Variants in GALC observed in about 807,000 individuals in gnomAD.
The protein encoded by GALC is galactosylceramidase, also known as galactocerebrosidase.
In GALC, 77 loss-of-function variants were observed where a neutral mutation model predicts 91.8. That is an observed-to-expected ratio of 0.84 (90% CI 0.70 to 1.01). GALC has a LOEUF of 1.01. Among genes scored for constraint, GALC ranks in the 50% least tolerant of loss-of-function variants. The pLI is 0.00. For synonymous variants in GALC, 357 were observed against 306.7 expected (o/e 1.16, Z -1.71); for missense variants, 882 against 855.9 (o/e 1.03, Z -0.38).
In GALC at chr14:87,971,811, A is replaced by G. The variant is rs1886303630; in HGVS notation, c.753-3321T>C. Among the ~76,000 whole-genome samples the G allele has an allele frequency of 2.0e-5, 3 of 152,286 alleles. No homozygotes were observed. The South Asian group carries it at 6.2e-4, about 32-fold the overall frequency. ...GTATTGAACAATACAGGTTTAAGCA[A>G]TAACAATTTCAGGAGAAGGTAGCAA... On this transcript the variant is annotated intron_variant, in intron 7 of 16. Transcript: ENST00000261304.
rs443019 is a variant in GALC at position 87,950,900 on chromosome 14, C to T, written c.1162-152G>A. 580,477 of 588,968 alleles carry T rather than the reference C, an allele frequency of 0.99. 286,542 individuals carry two copies. Among genetic ancestry groups the T allele is most frequent in the East Asian group, 1 (33,492 of 33,492 alleles). 36.5% of individuals were successfully genotyped at this position (588,968 alleles called of 1,614,324 possible). On this transcript the variant is annotated intron_variant, in intron 10 of 16. Coordinates refer to ENST00000261304, the MANE Select transcript of GALC (RefSeq NM_000153.4). The stretch of plus-strand genomic sequence containing the variant: ...TTTCACATTTTTAAAGACTTTTTTA[C>T]AATATAATATTTACTGAATGTGTAT...
At chr14:87,949,036 A>G (rs1885195940) in intron 12 of GALC, among the ~76,000 whole-genome samples, 1 of 152,036 alleles carries the variant, frequency 6.6e-6, no homozygotes, top group Non-Finnish European at 1.5e-5. Context: ...CAAGGTGTCC[A>G]GTGGTGCAGG....
chr14:87,986,895 A>C (rs1886999429), intron 3 of GALC: 1 of 433,276 alleles, frequency 2.3e-6, no homozygotes, highest in East Asian at 5.5e-5. Context: ...AAAAATTCCC[A>C]GTATTCATGC....
intron 3 of GALC, chr14:87,987,841 T>C (rs1287292641): frequency 1.2e-5 from 3 of 244,490 alleles, no homozygotes; most frequent in East Asian, 7.8e-5. Flanking sequence ...CTCAATAAAA[T>C]TCAAAACTGT....
intron 7 of GALC, among the ~76,000 whole-genome samples, chr14:87,971,595 T>G (rs963825604): frequency 1.3e-5 from 2 of 152,192 alleles, no homozygotes; most frequent in Non-Finnish European, 2.9e-5. Context: ...GAGAACATAA[T>G]TTTAATGATA....
intron 7 of GALC, among the ~76,000 whole-genome samples, chr14:87,969,914 C>T (rs1010554664): frequency 1.3e-5 from 2 of 152,058 alleles, no homozygotes; most frequent in Non-Finnish European, 2.9e-5. Context: ...TGAGGTTCCA[C>T]TAAGATTTTA....
chr14:87,973,597 G>A lies in GALC; in HGVS notation c.752+2761C>T, dbSNP rs115541704. ...ATAATTCTGGTAATTAAAATTCCACGGTAGGGGAGAAAAAGGGAGGAAGAA... is the reference window on the plus strand; with the variant it reads ...ATAATTCTGGTAATTAAAATTCCACAGTAGGGGAGAAAAAGGGAGGAAGAA... On this transcript the variant is annotated intron_variant, in intron 7 of 16. Coordinates refer to ENST00000261304, the MANE Select transcript of GALC (RefSeq NM_000153.4). 3.8e-3 allele frequency among the ~76,000 whole-genome samples: 582 copies of A among 152,158 alleles called. 3 individuals are homozygous for A. The highest frequency in any genetic ancestry group is 0.013 in the African/African-American group (540 of 41,520).
intron 5 of GALC, among the ~76,000 whole-genome samples, chr14:87,983,354 T>C (rs916339677): frequency 6.6e-6 from 1 of 152,086 alleles, no homozygotes; most frequent in Non-Finnish European, 1.5e-5. Flanking sequence ...ATAAACTAAT[T>C]TTTCAGTCAT....
chr14:87,941,761 T>C (rs1246180232), intron 14 of GALC, among the ~76,000 whole-genome samples: 2 of 152,030 alleles, frequency 1.3e-5, no homozygotes, highest in African/African-American at 4.8e-5. Context: ...AGTCATTTCA[T>C]TGCCTCTTTA....
intron 15 of GALC, 80 bp downstream of exon 15, chr14:87,941,315 C>T (rs553493589): frequency 4.4e-6 from 4 of 916,924 alleles, no homozygotes; most frequent in South Asian, 2.9e-5. Flanking sequence ...CTTTTTATCA[C>T]TCCCACAAAT....
chr14:87,992,814 G>A, intron 1 of GALC, 156 bp downstream of exon 1: 3 of 1,403,766 alleles, frequency 2.1e-6, no homozygotes, highest in Non-Finnish European at 2.8e-6. Context: ...CCCCGCAGCG[G>A]GCCCGCCCCA....
rs760656855 is a variant in GALC at position 87,947,752 on chromosome 14, T to C, written c.1465A>G (p.Thr489Ala). 7 of 1,612,768 alleles carry C rather than the reference T, an allele frequency of 4.3e-6. No individual in the cohort carries two copies. The highest frequency in any genetic ancestry group is 4.0e-5 in the African/African-American group (3 of 74,782). The change falls in exon 13 of 17, where the codon ACC becomes GCC. Residue 489 changes from threonine to alanine, a missense_variant. Physicochemically the swap from Thr to Ala is moderately conservative, Grantham distance 58. Coordinates refer to ENST00000261304, the MANE Select transcript of GALC (RefSeq NM_000153.4). ...CCAACATTGAAATCATCCTTATAGG[T>C]ACTTGGGAAGGGCTGGGATTTTGGA... ...LPPKSQPFPSTYKDDFNVDYP... is the reference protein window; with the variant it reads ...LPPKSQPFPSAYKDDFNVDYP...
intron 10 of GALC, 54 bp from the exon 11 acceptor site, chr14:87,950,802 G>C (rs1885274241): frequency 8.3e-7 from 1 of 1,201,878 alleles, no homozygotes; most frequent in Non-Finnish European, 1.2e-6. Flanking sequence ...CTACCTTAGG[G>C]GAAAAAAAGT....
At chr14:87,953,831 G>T in intron 10 of GALC, 2 of 1,609,366 alleles carry the variant, frequency 1.2e-6, no homozygotes, top group South Asian at 2.2e-5. Context: ...GTTTAGTCAT[G>T]GTGCTATCTC....
intron 13 of GALC, among the ~76,000 whole-genome samples, chr14:87,946,135 GC>G (rs918735036): frequency 3.3e-5 from 5 of 151,944 alleles, no homozygotes; most frequent in Admixed American, 2.6e-4. Context: ...AGGTACATAA[GC>G]CAGCACCTGG....
chr14:87,946,021 C>T (rs910296335), intron 13 of GALC, among the ~76,000 whole-genome samples: 5 of 151,976 alleles, frequency 3.3e-5, no homozygotes, highest in South Asian at 2.1e-4. Flanking sequence ...GATTCAAATT[C>T]GAGTTCAGTC....
intron 10 of GALC, among the ~76,000 whole-genome samples, chr14:87,956,580 C>A (rs1234076750): frequency 7.9e-6 from 1 of 127,078 alleles, no homozygotes; most frequent in Non-Finnish European, 1.7e-5. Flanking sequence ...TATATACACA[C>A]ACACCATATA....
chr14:87,983,086 T>C (rs1407397163), intron 5 of GALC, among the ~76,000 whole-genome samples: 1 of 152,112 alleles, frequency 6.6e-6, no homozygotes, highest in Admixed American at 6.5e-5. Context: ...ATTCCTGTAA[T>C]CCCAGCACTT....
chr14:87,945,563 C>T lies in GALC; in HGVS notation c.1660G>A (p.Asp554Asn). The stretch of plus-strand genomic sequence containing the variant: ...GAACATCAATCTTACCAGTTGTAGT[C>T]TCCTATAATACTGATTGTGTTGGAT... ...DASNTISIIG[D>N]YNWTNLTIKC... The change falls in exon 14 of 17, where the codon GAC becomes AAC. Residue 554 changes from aspartate to asparagine, a missense_variant. Coordinates refer to ENST00000261304, the MANE Select transcript of GALC (RefSeq NM_000153.4). 6.3e-7 allele frequency: 1 copy of T among 1,599,026 alleles called. No homozygotes were observed. Among genetic ancestry groups the T allele is most frequent in the South Asian group, 1.1e-5 (1 of 90,768 alleles).
Sources: allele counts gnomAD v4.1 joint callset (sites outside exome capture counted in the v4.1 genomes callset), GRCh38; gene constraint gnomAD v4.1.1; transcripts MANE v1.5; gene names NCBI Gene and HGNC (gene_info 2026-07-23, HGNC 2026-07-21).